MACROD2: variants seen among roughly 807,000 people sequenced by gnomAD.
MACROD2 encodes the protein mono-ADP ribosylhydrolase 2, also known as ADP-ribose glycohydrolase MACROD2.
Under a neutral mutation model 70.4 loss-of-function variants are expected in MACROD2, and 36 were observed. The ratio of observed to expected loss-of-function variants is 0.51; its 90% CI spans 0.39 to 0.68. The LOEUF is 0.68. Among genes scored for constraint, MACROD2 ranks in the 30% least tolerant of loss-of-function variants. MACROD2 has a pLI of 0.00. For synonymous variants in MACROD2, 172 were observed against 178.8 expected, an observed-to-expected ratio of 0.96 and a Z score of 0.30; for missense variants, 496 against 538.4, an observed-to-expected ratio of 0.92 and a Z score of 0.78.
intron 3 of MACROD2, among the ~76,000 whole-genome samples, chr20:14,169,042 G>A (rs1008777196): frequency 6.6e-6 from 1 of 152,166 alleles, no homozygotes; most frequent in Non-Finnish European, 1.5e-5. Context: ...ATGCAGGGAT[G>A]GTTTAACATA....
intron 3 of MACROD2, among the ~76,000 whole-genome samples, chr20:14,188,257 T>C (rs1004805884): frequency 3.9e-5 from 6 of 152,140 alleles, no homozygotes; most frequent in Non-Finnish European, 7.4e-5. Flanking sequence ...TTTTGAGATA[T>C]CTTTATGTAC....
intron 8 of MACROD2, among the ~76,000 whole-genome samples, chr20:15,672,879 G>C (rs2050000673): frequency 6.6e-6 from 1 of 152,044 alleles, no homozygotes; most frequent in Non-Finnish European, 1.5e-5. Context: ...ATTGAATGAT[G>C]GGTCTTTGCC....
At chr20:15,912,091 A>G (rs974138343) in intron 10 of MACROD2, among the ~76,000 whole-genome samples, 1 of 152,244 alleles carries the variant, frequency 6.6e-6, no homozygotes, top group African/African-American at 2.4e-5. Flanking sequence ...CTGTTTTGAC[A>G]GTGGGTCAAA....
In MACROD2 at chr20:14,013,674, C is replaced by CTTTT. The variant is rs34386274; in HGVS notation, c.163+11290_163+11293dup. On this transcript the variant is annotated intron_variant, in intron 2 of 17. Coordinates refer to ENST00000684519, the MANE Select transcript of MACROD2 (RefSeq NM_001351661.2). ...TTATGTAAATTGTCCTTATATTAAG[C>CTTTT]TTTTTTTTTTTTTTTTTTTTTTTGA... 3.7e-3 allele frequency among the ~76,000 whole-genome samples: 261 copies of CTTTT among 70,990 alleles called. 3 individuals carry two copies. The highest frequency in any genetic ancestry group is 4.1e-3 in the East Asian group (8 of 1,932). The allele number at this position is 70,990 out of a possible 152,430, so 46.6% of individuals were successfully genotyped here.
intron 5 of MACROD2, among the ~76,000 whole-genome samples, chr20:15,069,954 G>A (rs532975650): frequency 6.6e-6 from 1 of 152,256 alleles, no homozygotes; most frequent in African/African-American, 2.4e-5. Context: ...CAAGAGAATG[G>A]TAGAGTCACC....
chr20:15,166,085 G>C (rs1483629754), intron 5 of MACROD2, among the ~76,000 whole-genome samples: 4 of 152,128 alleles, frequency 2.6e-5, no homozygotes, highest in Non-Finnish European at 5.9e-5. Flanking sequence ...ATGCAGCTGG[G>C]GGTAGGAACA....
intron 9 of MACROD2, among the ~76,000 whole-genome samples, chr20:15,870,550 A>G (rs890683331): frequency 1.3e-5 from 2 of 151,960 alleles, no homozygotes; most frequent in African/African-American, 4.8e-5. Context: ...CATGGGAGGG[A>G]TTGGTGTCAT....
Position 15,912,118 on chromosome 20 carries a change from G to A in MACROD2, c.776-21158G>A, listed in dbSNP as rs181791975. ...TGGGTCAAAGGAATGCCAATAGTAC[G>A]GATTATGACTGGCTTCATTTTAAAT... On this transcript the variant is annotated intron_variant, in intron 10 of 17. Coordinates refer to ENST00000684519, the MANE Select transcript of MACROD2 (RefSeq NM_001351661.2). 8.4e-4 allele frequency among the ~76,000 whole-genome samples: 128 copies of A among 152,312 alleles called. 2 individuals carry two copies. Among genetic ancestry groups the A allele is most frequent in the Admixed American group, 6.9e-3 (105 of 15,302 alleles).
chr20:15,245,865 A>G (rs1043318878), intron 6 of MACROD2, among the ~76,000 whole-genome samples: 10 of 152,230 alleles, frequency 6.6e-5, no homozygotes, highest in African/African-American at 2.4e-4. Flanking sequence ...TCATAAGTTG[A>G]GGAACATCCA....
At chr20:15,663,511 T>C (rs1365774343) in intron 8 of MACROD2, among the ~76,000 whole-genome samples, 1 of 152,014 alleles carries the variant, frequency 6.6e-6, no homozygotes, top group Non-Finnish European at 1.5e-5. Context: ...ACTGGGAATA[T>C]AGGCATGAGC....
At chr20:14,906,236 A>G (rs1022452241) in intron 5 of MACROD2, among the ~76,000 whole-genome samples, 5 of 152,174 alleles carry the variant, frequency 3.3e-5, no homozygotes, top group African/African-American at 4.8e-5. Flanking sequence ...GCTCATGCCT[A>G]TAATCCTAGC....
At chr20:14,578,767 G>T (rs1359564907) in intron 4 of MACROD2, among the ~76,000 whole-genome samples, 1 of 152,106 alleles carries the variant, frequency 6.6e-6, no homozygotes, top group Admixed American at 6.5e-5. Context: ...CTGATATCGG[G>T]GAAGGTAAAT....
intron 4 of MACROD2, chr20:14,628,538 T>C (rs1600476422): frequency 6.6e-6 from 1 of 152,168 alleles, no homozygotes; most frequent in African/African-American, 2.4e-5. Context: ...AAATATGTGG[T>C]GAGGGTGAAG....
At chr20:15,041,828 G>A (rs559590813) in intron 5 of MACROD2, among the ~76,000 whole-genome samples, 1 of 152,152 alleles carries the variant, frequency 6.6e-6, no homozygotes, top group South Asian at 2.1e-4. Flanking sequence ...TTGTTTCTTG[G>A]AGTTTTAATA....
chr20:14,258,263 T>G (rs1297002803), intron 3 of MACROD2, among the ~76,000 whole-genome samples: 1 of 152,224 alleles, frequency 6.6e-6, no homozygotes. Context: ...GTAGTGGGAT[T>G]GCTGGGTCAA....
intron 3 of MACROD2, among the ~76,000 whole-genome samples, chr20:14,181,578 T>C (rs886086155): frequency 2.0e-5 from 3 of 152,066 alleles, no homozygotes; most frequent in African/African-American, 2.4e-5. Context: ...CACTATCTAA[T>C]TCCGGATCTT....
chr20:15,016,827 C>T (rs910345067), intron 5 of MACROD2, among the ~76,000 whole-genome samples: 4 of 152,128 alleles, frequency 2.6e-5, no homozygotes, highest in Admixed American at 6.5e-5. Flanking sequence ...ATAAACCCAT[C>T]AGGTCTTGTG....
chr20:14,594,824 G>A (rs1432231167), intron 4 of MACROD2, among the ~76,000 whole-genome samples: 3 of 152,140 alleles, frequency 2.0e-5, no homozygotes, highest in Admixed American at 6.5e-5. Flanking sequence ...CCCGGGAAGC[G>A]GAGGTTGCAG....
chr20:15,458,639 T>TAA, intron 7 of MACROD2, among the ~76,000 whole-genome samples: 1 of 117,006 alleles, frequency 8.5e-6, no homozygotes, highest in Admixed American at 8.2e-5. Context: ...TTTTTTTTTT[T>TAA]AAAAAAAAAA....
Sources: allele counts gnomAD v4.1 joint callset (sites outside exome capture counted in the v4.1 genomes callset), GRCh38; gene constraint gnomAD v4.1.1; transcripts MANE v1.5; gene names NCBI Gene and HGNC (gene_info 2026-07-23, HGNC 2026-07-21).